Variants in LYPD6 observed in about 807,000 individuals in gnomAD.
LYPD6 encodes the protein ly6/PLAUR domain-containing protein 6.
In LYPD6, 15 loss-of-function variants were observed where a neutral mutation model predicts 22.7. The observed-to-expected ratio is 0.66, with a 90% confidence interval of 0.44 to 1.02. The LOEUF (loss-of-function observed/expected upper bound fraction) is 1.02. Among genes scored for constraint, LYPD6 ranks in the 50% least tolerant of loss-of-function variants. The pLI is 0.00. For missense variants in LYPD6, 189 were observed against 208.4 expected (o/e 0.91, Z 0.57); for synonymous variants, 72 against 77.5 (o/e 0.93, Z 0.37).
intron 1 of LYPD6, among the ~76,000 whole-genome samples, chr2:149,405,646 A>T (rs899687635): frequency 6.6e-6 from 1 of 152,146 alleles, no homozygotes; most frequent in Non-Finnish European, 1.5e-5. Flanking sequence ...TAGTCTTGCT[A>T]GTGGTCTATC....
chr2:149,428,634 C>T (rs914510797), intron 1 of LYPD6, among the ~76,000 whole-genome samples: 1 of 152,136 alleles, frequency 6.6e-6, no homozygotes, highest in African/African-American at 2.4e-5. Flanking sequence ...CCAACACTGA[C>T]CCAAATAACA....
chr2:149,402,982 T>G (rs980998346), intron 1 of LYPD6, among the ~76,000 whole-genome samples: 1 of 151,578 alleles, frequency 6.6e-6, no homozygotes, highest in Non-Finnish European at 1.5e-5. Context: ...CATGCAGTGT[T>G]TGGTTTTTTG....
the LYPD6 span, among the ~76,000 whole-genome samples, chr2:149,480,642 C>A: frequency 6.6e-6 from 1 of 152,092 alleles, no homozygotes; most frequent in Non-Finnish European, 1.5e-5. Flanking sequence ...GGGGCCAGGA[C>A]CATTGTCTGC....
intron 1 of LYPD6, among the ~76,000 whole-genome samples, chr2:149,364,517 G>A (rs746285762): frequency 4.7e-5 from 7 of 150,068 alleles, no homozygotes; most frequent in Non-Finnish European, 7.4e-5. Context: ...AGATATTCCC[G>A]CCCATGACAT....
intron 1 of LYPD6, among the ~76,000 whole-genome samples, chr2:149,430,351 C>T (rs564137145): frequency 6.6e-6 from 1 of 152,252 alleles, no homozygotes; most frequent in African/African-American, 2.4e-5. Context: ...CCTCCTGCCT[C>T]AGCCTCCCAA....
chr2:149,424,561 A>G (rs930735509), intron 1 of LYPD6, among the ~76,000 whole-genome samples: 2 of 152,210 alleles, frequency 1.3e-5, no homozygotes, highest in African/African-American at 4.8e-5. Flanking sequence ...GCCACCTTAG[A>G]TAGGTAGAGG....
intron 1 of LYPD6, among the ~76,000 whole-genome samples, chr2:149,347,563 G>A (rs993687371): frequency 6.6e-6 from 1 of 152,098 alleles, no homozygotes; most frequent in African/African-American, 2.4e-5. Flanking sequence ...AAGAATTCAA[G>A]TTACTTATTT....
chr2:149,484,753 A>T, the LYPD6 span, among the ~76,000 whole-genome samples: 2 of 152,212 alleles, frequency 1.3e-5, no homozygotes, highest in Non-Finnish European at 2.9e-5. Context: ...AGATAAAAAG[A>T]AGCACACCTA....
chr2:149,364,433 G>T (rs1001564175), intron 1 of LYPD6, among the ~76,000 whole-genome samples: 4 of 151,962 alleles, frequency 2.6e-5, no homozygotes, highest in Non-Finnish European at 5.9e-5. Context: ...AAAAATTAAT[G>T]AGTTTTGGCT....
At chr2:149,453,869 A>G (rs920737233) in intron 3 of LYPD6, among the ~76,000 whole-genome samples, 12 of 152,154 alleles carry the variant, frequency 7.9e-5, no homozygotes, top group Non-Finnish European at 1.5e-4. Flanking sequence ...TTTCATTTAT[A>G]CAGGAGTCTC....
At chr2:149,479,548 A>G in the LYPD6 span, among the ~76,000 whole-genome samples, 2 of 152,172 alleles carry the variant, frequency 1.3e-5, no homozygotes, top group Non-Finnish European at 2.9e-5. Context: ...TAGTGTCCCC[A>G]TCTCAGTGAA....
rs1435374844 is a variant in LYPD6, at chr2:149,473,887, G to A, written c.*3037G>A. On this transcript the variant is annotated 3_prime_UTR_variant, in exon 5 of 5. Transcript: ENST00000334166. ...CAATAAGGTCTACAGCTTCCCAAGA[G>A]CATGTCTTTGTTAAATCAGGAAATA... The A allele has an allele frequency of 6.6e-6, 1 of 152,138 alleles. No individual in the cohort carries two copies. The highest frequency in any genetic ancestry group is 1.5e-5 in the Non-Finnish European group (1 of 68,032). The allele number at this position is 152,138 out of a possible 1,614,324, so 9.4% of individuals were successfully genotyped here. A position where few individuals can be genotyped will look rare whatever the true frequency, so the allele number is the denominator to read the frequency against.
intron 1 of LYPD6, among the ~76,000 whole-genome samples, chr2:149,366,552 C>G (rs1329674487): frequency 6.6e-6 from 1 of 152,128 alleles, no homozygotes; most frequent in Non-Finnish European, 1.5e-5. Flanking sequence ...AGAAAAAGAA[C>G]AAGGATGGCA....
intron 1 of LYPD6, among the ~76,000 whole-genome samples, chr2:149,362,494 T>C (rs957662237): frequency 1.3e-5 from 2 of 152,134 alleles, no homozygotes; most frequent in Non-Finnish European, 2.9e-5. Flanking sequence ...GAAAGGTCTG[T>C]TTGTTCAGAT....
chr2:149,374,512 G>T (rs903428659), intron 1 of LYPD6, among the ~76,000 whole-genome samples: 5 of 152,172 alleles, frequency 3.3e-5, no homozygotes, highest in African/African-American at 1.2e-4. Context: ...CAAGTAGTAG[G>T]TGCCCGAGTG....
chr2:149,352,947 C>T (rs898991837), intron 1 of LYPD6, among the ~76,000 whole-genome samples: 4 of 152,194 alleles, frequency 2.6e-5, no homozygotes, highest in African/African-American at 7.2e-5. Flanking sequence ...CTGGTCCTGG[C>T]AGAGGAGGCC....
At chr2:149,437,912 A>G in intron 2 of LYPD6, 86 bp downstream of exon 2, 1 of 1,472,392 alleles carries the variant, frequency 6.8e-7, no homozygotes, top group Middle Eastern at 1.7e-4. Context: ...GGCATCCTTC[A>G]GTATAGTGAA....
In LYPD6 at chr2:149,464,377, C is replaced by G. The variant is rs1357811262; in HGVS notation, c.218-4268C>G. ...AAATATGCAGACCATGCTAAGGATG[C>G]ACATTTTTCATCGTGCATGGTCAAA... On this transcript the variant is annotated intron_variant, in intron 3 of 4. Coordinates refer to ENST00000334166, the MANE Select transcript of LYPD6 (RefSeq NM_194317.5). 3 of 248,724 alleles carry G rather than the reference C, an allele frequency of 1.2e-5. No homozygotes were observed. The South Asian group carries it at 1.5e-4, about 12-fold the overall frequency. The allele number at this position is 248,724 out of a possible 1,614,324, so 15.4% of individuals were successfully genotyped here. A position where few individuals can be genotyped will look rare whatever the true frequency, so the allele number is the denominator to read the frequency against.
At chr2:149,459,901 CAAA>C (rs35923768) in intron 3 of LYPD6, among the ~76,000 whole-genome samples, 10 of 137,438 alleles carry the variant, frequency 7.3e-5, no homozygotes, top group Admixed American at 7.1e-5. Flanking sequence ...GACTTTGTCT[CAAA>C]AAAAAAAAAA....
Sources: allele counts gnomAD v4.1 joint callset (sites outside exome capture counted in the v4.1 genomes callset), GRCh38; gene constraint gnomAD v4.1.1; transcripts MANE v1.5; gene names NCBI Gene and HGNC (gene_info 2026-07-23, HGNC 2026-07-21).